CHST11: variants seen among roughly 807,000 people sequenced by gnomAD.
The protein encoded by CHST11 is C4S-1.
A neutral mutation model predicts 30.4 loss-of-function variants in CHST11; 9 were observed. The observed-to-expected ratio is 0.30, with a 90% CI of 0.18 to 0.52. CHST11 has a LOEUF of 0.52. Among genes scored for constraint, CHST11 ranks in the 20% least tolerant of loss-of-function variants. CHST11 has a pLI of 0.97. For missense variants in CHST11, 348 were observed against 460.6 expected, an observed-to-expected ratio of 0.76 and a Z score of 2.24; for synonymous variants, 152 against 187.8, an observed-to-expected ratio of 0.81 and a Z score of 1.56.
In CHST11 at chr12:104,693,412, G is replaced by A. The variant is rs576723160; in HGVS notation, c.205-63537G>A. Among the ~76,000 whole-genome samples, 8 of 152,298 alleles carry A rather than the reference G, an allele frequency of 5.3e-5. No homozygotes were observed. In the South Asian group the frequency reaches 1.4e-3, roughly 28 times the overall value. On this transcript the variant is annotated intron_variant, in intron 2 of 2. Transcript: ENST00000303694. ...TACTATATAATTTATCCTCCAAATT[G>A]GGACACTTTGAGAGGGAAGGATCGT...
At chr12:104,502,723 G>A (rs2135975564) in intron 1 of CHST11, among the ~76,000 whole-genome samples, 1 of 152,296 alleles carries the variant, frequency 6.6e-6, no homozygotes, top group South Asian at 2.1e-4. Context: ...CCAGCGTGGG[G>A]CATCATCAGG....
Position 104,574,410 on chromosome 12 carries a change from A to G in CHST11, c.119-27496A>G, listed in dbSNP as rs146037500. 1.2e-3 allele frequency among the ~76,000 whole-genome samples: 188 copies of G among 152,356 alleles called. 2 individuals carry two copies. Among genetic ancestry groups the G allele is most frequent in the African/African-American group, 3.6e-3 (148 of 41,578 alleles). On this transcript the variant is annotated intron_variant, in intron 1 of 2. Coordinates refer to ENST00000303694, the MANE Select transcript of CHST11 (RefSeq NM_018413.6). ...CATGCTGCTATAAAGACACATGCAC[A>G]CATGTTAATTGTGGCACTATTCGCA...
At chr12:104,723,902 T>C (rs2040197565) in intron 2 of CHST11, among the ~76,000 whole-genome samples, 1 of 152,186 alleles carries the variant, frequency 6.6e-6, no homozygotes, top group Admixed American at 6.5e-5. Flanking sequence ...GCCTTGAGGG[T>C]TCATACTGGG....
At chr12:104,619,443 G>T (rs2039139375) in intron 2 of CHST11, among the ~76,000 whole-genome samples, 1 of 152,192 alleles carries the variant, frequency 6.6e-6, no homozygotes, top group African/African-American at 2.4e-5. Flanking sequence ...TCCCTGCCTA[G>T]GCACAGTAAC....
intron 2 of CHST11, among the ~76,000 whole-genome samples, chr12:104,618,219 CTTTTCTT>C (rs1313786232): frequency 6.9e-4 from 77 of 111,906 alleles, no homozygotes; most frequent in African/African-American, 2.6e-3. Flanking sequence ...TTCTTCTTTT[CTTTTCTT>C]TTTTTTTTTT....
At chr12:104,698,557 G>A (rs1283011659) in intron 2 of CHST11, among the ~76,000 whole-genome samples, 1 of 152,164 alleles carries the variant, frequency 6.6e-6, no homozygotes, top group Non-Finnish European at 1.5e-5. Context: ...TAGTCTCAGG[G>A]CTAAGGGCTG....
At chr12:104,543,567 G>A (rs796821715) in intron 1 of CHST11, among the ~76,000 whole-genome samples, 22 of 152,124 alleles carry the variant, frequency 1.4e-4, no homozygotes, top group African/African-American at 5.3e-4. Flanking sequence ...CATCCTTCTC[G>A]TCCCTGGACT....
chr12:104,634,141 T>C (rs902336483), intron 2 of CHST11, among the ~76,000 whole-genome samples: 7 of 152,226 alleles, frequency 4.6e-5, no homozygotes, highest in Non-Finnish European at 1.0e-4. Context: ...TGTTGATGAG[T>C]AATTATTCAG....
intron 1 of CHST11, among the ~76,000 whole-genome samples, chr12:104,571,926 GT>G (rs1222540294): frequency 6.6e-6 from 1 of 152,170 alleles, no homozygotes; most frequent in Non-Finnish European, 1.5e-5. Flanking sequence ...AGCATGAAGG[GT>G]TGTTGAATTT....
In CHST11 at chr12:104,546,931, G is replaced by C. The variant is rs779608284; in HGVS notation, c.119-54975G>C. Among the ~76,000 whole-genome samples the C allele has an allele frequency of 6.6e-5, 10 of 152,354 alleles. No homozygotes were observed. In the Middle Eastern group the frequency reaches 0.014, roughly 207 times the overall value. On this transcript the variant is annotated intron_variant, in intron 1 of 2. Transcript: ENST00000303694. ...CAGTGTCCTCCAAAGTACTAGTGAA[G>C]TGGTACTGAGATTTCCAAAGACTGT...
intron 2 of CHST11, among the ~76,000 whole-genome samples, chr12:104,750,680 G>A (rs998568488): frequency 5.9e-5 from 9 of 151,692 alleles, no homozygotes; most frequent in Non-Finnish European, 4.4e-5. Flanking sequence ...CTGACCTCAG[G>A]TGATCCACTC....
intron 1 of CHST11, among the ~76,000 whole-genome samples, chr12:104,599,946 C>G (rs1472265661): frequency 2.0e-5 from 3 of 152,194 alleles, no homozygotes; most frequent in African/African-American, 7.2e-5. Context: ...TTGTTGGCAC[C>G]CAGCCACACC....
intron 1 of CHST11, among the ~76,000 whole-genome samples, chr12:104,466,228 G>A (rs1034080649): frequency 1.3e-5 from 2 of 152,116 alleles, no homozygotes; most frequent in African/African-American, 2.4e-5. Context: ...GGCATAAGGG[G>A]GCTGGAGGAA....
chr12:104,715,330 T>C (rs2040122259), intron 2 of CHST11, among the ~76,000 whole-genome samples: 1 of 152,128 alleles, frequency 6.6e-6, no homozygotes, highest in Non-Finnish European at 1.5e-5. Context: ...GCCGAGATCA[T>C]GCCACGGCAC....
intron 2 of CHST11, among the ~76,000 whole-genome samples, chr12:104,663,533 G>A (rs1226833884): frequency 6.6e-6 from 1 of 151,972 alleles, no homozygotes; most frequent in Non-Finnish European, 1.5e-5. Context: ...AATACTCCTA[G>A]CTTATATTGT....
At chr12:104,470,508 C>T (rs2037498416) in intron 1 of CHST11, among the ~76,000 whole-genome samples, 1 of 152,118 alleles carries the variant, frequency 6.6e-6, no homozygotes, top group East Asian at 1.9e-4. Flanking sequence ...GGGATTATTG[C>T]AATTCAAGGT....
intron 1 of CHST11, among the ~76,000 whole-genome samples, chr12:104,562,487 T>C (rs983334346): frequency 5.9e-5 from 9 of 152,058 alleles, no homozygotes; most frequent in Admixed American, 2.6e-4. Context: ...TCCAGAACCT[T>C]CCCTGGCCCA....
intron 2 of CHST11, among the ~76,000 whole-genome samples, chr12:104,613,305 A>G (rs1020416608): frequency 2.0e-5 from 3 of 152,228 alleles, no homozygotes; most frequent in African/African-American, 7.2e-5. Context: ...AGATATATAG[A>G]TACATATAAA....
chr12:104,536,235 C>A (rs770646373), intron 1 of CHST11, among the ~76,000 whole-genome samples: 2 of 152,140 alleles, frequency 1.3e-5, no homozygotes, highest in Non-Finnish European at 2.9e-5. Context: ...TTGCTCAAAC[C>A]CTTTCAAGAC....
Sources: allele counts gnomAD v4.1 joint callset (sites outside exome capture counted in the v4.1 genomes callset), GRCh38; gene constraint gnomAD v4.1.1; transcripts MANE v1.5; gene names NCBI Gene and HGNC (gene_info 2026-07-23, HGNC 2026-07-21).